DHRSX: variants seen among roughly 807,000 people sequenced by gnomAD.
DHRSX encodes the protein dehydrogenase/reductase X-linked, also known as polyprenol dehydrogenase.
Under a neutral mutation model 34.0 loss-of-function variants are expected in DHRSX, and 31 were observed. The observed-to-expected ratio is 0.91, with a 90% CI of 0.69 to 1.23. The LOEUF is 1.23. Ranked by LOEUF, DHRSX falls within the 50% of genes most tolerant of loss-of-function variation. DHRSX has a pLI of 0.00. For missense variants in DHRSX, 414 were observed against 428.1 expected (o/e 0.97, Z 0.29); for synonymous variants, 201 against 183.8 (o/e 1.09, Z -0.76).
intron 3 of DHRSX, among the ~76,000 whole-genome samples, chrX:2,356,861 A>T (rs2042859830): frequency 6.6e-6 from 1 of 152,214 alleles, no homozygotes; most frequent in South Asian, 2.1e-4. Context: ...GAACATAGAA[A>T]ATATGAATGA....
chrX:2,337,111 CTCTT>C lies in DHRSX; in HGVS notation c.287-45512_287-45509del, dbSNP rs372229491. On this transcript the variant is annotated intron_variant, in intron 3 of 6. Coordinates refer to ENST00000334651, the MANE Select transcript of DHRSX (RefSeq NM_145177.3). ...GAGCCACCGCGGCTGACCTTTATTG[CTCTT>C]TCTATGTAAAACCAGAAAAGCCAAC... Among the ~76,000 whole-genome samples, 240 of 152,198 alleles carry C rather than the reference CTCTT, an allele frequency of 1.6e-3. 1 individual carries two copies. Among genetic ancestry groups the C allele is most frequent in the African/African-American group, 5.1e-3 (211 of 41,550 alleles).
intron 6 of DHRSX, among the ~76,000 whole-genome samples, chrX:2,240,222 G>A (rs992536555): frequency 7.2e-5 from 11 of 152,010 alleles, no homozygotes; most frequent in Non-Finnish European, 1.0e-4. Context: ...GAACCCAGGA[G>A]GCGGAGGTTG....
At chrX:2,413,412 AAG>A (rs1376904104) in intron 2 of DHRSX, among the ~76,000 whole-genome samples, 4 of 152,096 alleles carry the variant, frequency 2.6e-5, no homozygotes, top group Non-Finnish European at 5.9e-5. Flanking sequence ...GAAAATTGCA[AAG>A]AGAGTAGATT....
chrX:2,360,205 A>C (rs1350341892), intron 3 of DHRSX, among the ~76,000 whole-genome samples: 2 of 151,766 alleles, frequency 1.3e-5, no homozygotes, highest in African/African-American at 2.4e-5. Context: ...GTGACATAGA[A>C]GCAAAAAAAA....
chrX:2,398,670 C>CCTTT (rs2043443901), intron 3 of DHRSX, among the ~76,000 whole-genome samples: 2 of 130,012 alleles, frequency 1.5e-5, no homozygotes, highest in Non-Finnish European at 3.2e-5. Context: ...ATGCATATTC[C>CCTTT]TTTTTTTTTT....
chrX:2,305,021 G>A (rs1412371137), intron 3 of DHRSX, among the ~76,000 whole-genome samples: 1 of 152,086 alleles, frequency 6.6e-6, no homozygotes, highest in Non-Finnish European at 1.5e-5. Flanking sequence ...ATACTATGCA[G>A]CCATAAAAAG....
chrX:2,326,320 C>T (rs1257036524), intron 3 of DHRSX, among the ~76,000 whole-genome samples: 1 of 151,992 alleles, frequency 6.6e-6, no homozygotes, highest in African/African-American at 2.4e-5. Flanking sequence ...GTCAGGAGTT[C>T]GAGACCAGCC....
At position 2,427,319 on chromosome X, in the gene DHRSX, T is replaced by C. The variant is rs377723052; in HGVS notation, c.110-2015A>G. 4.7e-4 allele frequency among the ~76,000 whole-genome samples: 71 copies of C among 152,168 alleles called. 1 individual carries two copies. The highest frequency in any genetic ancestry group is 1.5e-3 in the African/African-American group (62 of 41,522). ...AAGAAGGAGTAGGGGCACCCCAGAG[T>C]TCGTGAGCTTCTCTCTGGCAGACAG... On this transcript the variant is annotated intron_variant, in intron 1 of 6. Coordinates refer to ENST00000334651, the MANE Select transcript of DHRSX (RefSeq NM_145177.3).
At chrX:2,347,003 T>G (rs758037040) in intron 3 of DHRSX, among the ~76,000 whole-genome samples, 1 of 152,210 alleles carries the variant, frequency 6.6e-6, no homozygotes, top group Non-Finnish European at 1.5e-5. Flanking sequence ...GGCTGCATAG[T>G]ATTCCATGGT....
intron 6 of DHRSX, among the ~76,000 whole-genome samples, chrX:2,227,580 G>A (rs769651585): frequency 8.9e-6 from 1 of 111,878 alleles, no homozygotes; most frequent in Non-Finnish European, 1.8e-5. Context: ...GGGAGGAAGG[G>A]AAGGATGAAA....
chrX:2,436,772 C>T (rs1310094780), intron 1 of DHRSX, among the ~76,000 whole-genome samples: 4 of 151,922 alleles, frequency 2.6e-5, no homozygotes, highest in Non-Finnish European at 4.4e-5. Context: ...GCTGGAACTA[C>T]AGGTGTGTGC....
At chrX:2,468,871 C>T (rs374519620) in intron 1 of DHRSX, among the ~76,000 whole-genome samples, 53 of 151,568 alleles carry the variant, frequency 3.5e-4, no homozygotes, top group African/African-American at 1.3e-3. Flanking sequence ...CCGCCATGTA[C>T]ACACTGAAGA....
intron 4 of DHRSX, among the ~76,000 whole-genome samples, chrX:2,283,257 G>C (rs2041753600): frequency 6.6e-6 from 1 of 151,934 alleles, no homozygotes; most frequent in African/African-American, 2.4e-5. Context: ...CACATCCCAT[G>C]CTGCTGCCAA....
chrX:2,400,045 A>G (rs2043467516), intron 3 of DHRSX, among the ~76,000 whole-genome samples: 1 of 152,174 alleles, frequency 6.6e-6, no homozygotes, highest in Non-Finnish European at 1.5e-5. Context: ...CCAAAACAAC[A>G]AAACAAAAAA....
intron 1 of DHRSX, among the ~76,000 whole-genome samples, chrX:2,443,547 CAG>C (rs2044088739): frequency 6.6e-6 from 1 of 152,110 alleles, no homozygotes; most frequent in Non-Finnish European, 1.5e-5. Context: ...AGCTGCATGA[CAG>C]GGGAAATGAT....
intron 3 of DHRSX, among the ~76,000 whole-genome samples, chrX:2,350,082 A>C (rs1176177863): frequency 2.6e-5 from 4 of 152,022 alleles, no homozygotes; most frequent in African/African-American, 9.7e-5. Context: ...GCAGTGGCCC[A>C]CGCCTGGTAT....
intron 3 of DHRSX, among the ~76,000 whole-genome samples, chrX:2,372,094 A>G (rs1246364261): frequency 6.6e-6 from 1 of 151,968 alleles, no homozygotes; most frequent in African/African-American, 2.4e-5. Context: ...CGTCGGAGAA[A>G]TTTTCTTGAG....
chrX:2,383,948 T>C (rs1327577804), intron 3 of DHRSX, among the ~76,000 whole-genome samples: 2 of 152,158 alleles, frequency 1.3e-5, no homozygotes. Context: ...ATTCTGCCCA[T>C]ATGGGTTTAA....
At chrX:2,325,137 G>A (rs2042363887) in intron 3 of DHRSX, among the ~76,000 whole-genome samples, 1 of 152,006 alleles carries the variant, frequency 6.6e-6, no homozygotes. Context: ...CTGTCAAGTC[G>A]AGCTGCAGAC....
Sources: gnomAD v4.1 joint callset for allele counts (sites outside exome capture counted in the v4.1 genomes callset) on GRCh38, gnomAD v4.1.1 for gene constraint, MANE v1.5 for transcripts, NCBI Gene and HGNC (gene_info 2026-07-23, HGNC 2026-07-21) for gene names.